The following LRRC4C variants were observed in gnomAD, a reference collection of about 807,000 sequenced individuals.
LRRC4C encodes leucine-rich repeat-containing protein 4C.
Under a neutral mutation model 33.6 loss-of-function variants are expected in LRRC4C, and 5 were observed. The ratio of observed to expected loss-of-function variants is 0.15; its 90% confidence interval spans 0.08 to 0.31. LRRC4C has a LOEUF of 0.31. Ranked by LOEUF, LRRC4C falls within the 10% of genes least tolerant of loss-of-function variation. The pLI is 1.00. For synonymous variants in LRRC4C, 329 were observed against 302.0 expected, an observed-to-expected ratio of 1.09 and a Z score of -0.93; for missense variants, 560 against 796.7, an observed-to-expected ratio of 0.70 and a Z score of 3.58.
intron 5 of LRRC4C, among the ~76,000 whole-genome samples, chr11:40,143,318 C>G (rs1348065360): frequency 6.6e-6 from 1 of 152,166 alleles, no homozygotes; most frequent in African/African-American, 2.4e-5. Context: ...TGTTCCTTCT[C>G]AATGCTCAAT....
At chr11:40,761,784 G>C (rs1205988965) in intron 2 of LRRC4C, among the ~76,000 whole-genome samples, 1 of 152,116 alleles carries the variant, frequency 6.6e-6, no homozygotes, top group African/African-American at 2.4e-5. Flanking sequence ...AGGCATCAGG[G>C]AACAGTACTG....
chr11:41,138,680 G>A (rs1943372074), intron 1 of LRRC4C, among the ~76,000 whole-genome samples: 2 of 152,142 alleles, frequency 1.3e-5, no homozygotes, highest in African/African-American at 4.8e-5. Flanking sequence ...TGTACCAGAT[G>A]TCAGCTTTTA....
chr11:40,342,384 C>T (rs1029233909), intron 3 of LRRC4C, among the ~76,000 whole-genome samples: 1 of 151,920 alleles, frequency 6.6e-6, no homozygotes. Flanking sequence ...CTGGAGGATC[C>T]CTTGAACCCA....
At chr11:40,866,325 A>G (rs190880991) in intron 2 of LRRC4C, among the ~76,000 whole-genome samples, 86 of 152,264 alleles carry the variant, frequency 5.6e-4, no homozygotes, top group African/African-American at 2.0e-3. Flanking sequence ...AGGTCAGAAA[A>G]GTATAAAATG....
chr11:40,763,575 T>C (rs1949324774), intron 2 of LRRC4C, among the ~76,000 whole-genome samples: 1 of 152,044 alleles, frequency 6.6e-6, no homozygotes, highest in Non-Finnish European at 1.5e-5. Context: ...GAAAAGACAA[T>C]CTTGAATTGT....
chr11:40,140,142 T>A (rs147148655), intron 6 of LRRC4C, among the ~76,000 whole-genome samples: 1 of 152,200 alleles, frequency 6.6e-6, no homozygotes, highest in African/African-American at 2.4e-5. Context: ...AAGGGCCAAC[T>A]ACAGCTCATA....
intron 1 of LRRC4C, among the ~76,000 whole-genome samples, chr11:41,271,193 C>T (rs1251132000): frequency 2.0e-5 from 3 of 152,054 alleles, no homozygotes; most frequent in Admixed American, 2.0e-4. Context: ...CTCCCCAGTT[C>T]TTGTGCTTCC....
rs900289272 is a variant in LRRC4C at position 40,339,742 on chromosome 11, A to T, written c.-269-20021T>A. On this transcript the variant is annotated intron_variant, in intron 3 of 6. Transcript: ENST00000528697. Reference sequence around the variant, plus strand: ...ATAACCGTAAAAAGGTTTAGTATTGAACCTGTTTTAGGTAAACAGCTGGGC... The same window carrying T: ...ATAACCGTAAAAAGGTTTAGTATTGTACCTGTTTTAGGTAAACAGCTGGGC... Among the ~76,000 whole-genome samples, 7 of 152,326 alleles carry T rather than the reference A, an allele frequency of 4.6e-5. No individual in the cohort carries two copies. In the East Asian group the frequency reaches 1.3e-3, roughly 29 times the overall value.
intron 3 of LRRC4C, among the ~76,000 whole-genome samples, chr11:40,613,861 A>G (rs901872400): frequency 6.6e-6 from 1 of 151,858 alleles, no homozygotes; most frequent in Non-Finnish European, 1.5e-5. Context: ...TGCATTGCTA[A>G]TGAATGGTGA....
chr11:40,195,424 A>G (rs1862181095), intron 5 of LRRC4C, among the ~76,000 whole-genome samples: 1 of 152,200 alleles, frequency 6.6e-6, no homozygotes. Context: ...ATAAAAGCAA[A>G]ATGTAGGGGT....
chr11:41,184,349 A>G (rs1222519122), intron 1 of LRRC4C, among the ~76,000 whole-genome samples: 3 of 151,956 alleles, frequency 2.0e-5, no homozygotes, highest in Non-Finnish European at 4.4e-5. Context: ...AACAGCACCC[A>G]TGTCACCTGT....
intron 3 of LRRC4C, among the ~76,000 whole-genome samples, chr11:40,629,368 G>GA (rs1963257249): frequency 6.6e-6 from 1 of 151,924 alleles, no homozygotes; most frequent in Non-Finnish European, 1.5e-5. Context: ...TCATGCCCTT[G>GA]AAAAAAATGT....
At chr11:40,421,389 G>T (rs950623288) in intron 3 of LRRC4C, among the ~76,000 whole-genome samples, 1 of 152,226 alleles carries the variant, frequency 6.6e-6, no homozygotes, top group African/African-American at 2.4e-5. Flanking sequence ...TCTGACAGCT[G>T]TCTGGTGGCC....
chr11:40,126,531 T>C (rs1431106843), intron 6 of LRRC4C, among the ~76,000 whole-genome samples: 2 of 152,166 alleles, frequency 1.3e-5, no homozygotes, highest in East Asian at 1.9e-4. Context: ...AAACAAATTA[T>C]AGACATATAT....
intron 3 of LRRC4C, among the ~76,000 whole-genome samples, chr11:40,579,329 A>C (rs935678420): frequency 6.6e-6 from 1 of 151,964 alleles, no homozygotes; most frequent in Non-Finnish European, 1.5e-5. Context: ...CTGTTAAAAA[A>C]AAAAAAGGAA....
At chr11:40,267,074 A>G (rs1452683439) in intron 4 of LRRC4C, among the ~76,000 whole-genome samples, 1 of 151,850 alleles carries the variant, frequency 6.6e-6, no homozygotes, top group African/African-American at 2.4e-5. Flanking sequence ...CTTCGATCAT[A>G]CAATTCTCCT....
intron 1 of LRRC4C, among the ~76,000 whole-genome samples, chr11:41,158,936 T>C (rs1944347585): frequency 6.6e-6 from 1 of 152,110 alleles, no homozygotes; most frequent in Non-Finnish European, 1.5e-5. Flanking sequence ...AACTGGACTT[T>C]GTAGAAATAA....
rs764578889 is a variant in LRRC4C, at chr11:41,215,487, CAA to C, written c.-496+243942_-496+243943del. Among the ~76,000 whole-genome samples the C allele has an allele frequency of 1.6e-3, 101 of 64,326 alleles. 1 individual carries two copies. Among genetic ancestry groups the C allele is most frequent in the African/African-American group, 4.1e-3 (80 of 19,380 alleles). 42.2% of individuals were successfully genotyped at this position (64,326 alleles called of 152,430 possible). A position where few individuals can be genotyped will look rare whatever the true frequency, so the allele number is the denominator to read the frequency against. On this transcript the variant is annotated intron_variant, in intron 1 of 6. Transcript: ENST00000528697. ...TGGGTGACAGAGTGCAATTCCATCTCAAAAAAAAAAAAAAAAAAAAAAATTCC... is the reference window on the plus strand; with the variant it reads ...TGGGTGACAGAGTGCAATTCCATCTCAAAAAAAAAAAAAAAAAAAAATTCC...
In LRRC4C at chr11:40,328,024, C is replaced by T. The variant is rs1342567952; in HGVS notation, c.-269-8303G>A. 3.3e-5 allele frequency among the ~76,000 whole-genome samples: 5 copies of T among 151,758 alleles called. No individual in the cohort carries two copies. The East Asian group carries it at 7.7e-4, about 23-fold the overall frequency. On this transcript the variant is annotated intron_variant, in intron 3 of 6. Coordinates refer to ENST00000528697, the MANE Select transcript of LRRC4C (RefSeq NM_001258419.2). ...CTTTATACATGTTAACAAATATGTA[C>T]CACAGACAGTGAGAGAGTTTGTAGA...
Sources: allele counts gnomAD v4.1 joint callset (sites outside exome capture counted in the v4.1 genomes callset), GRCh38; gene constraint gnomAD v4.1.1; transcripts MANE v1.5; gene names NCBI Gene and HGNC (gene_info 2026-07-23, HGNC 2026-07-21).